Variants in HIVEP3 observed in about 807,000 individuals in gnomAD.
HIVEP3 encodes HIVEP zinc finger 3.
Under a neutral mutation model 152.8 loss-of-function variants are expected in HIVEP3, and 49 were observed. That is an observed-to-expected ratio of 0.32 (90% CI 0.26 to 0.41). The LOEUF is 0.41. HIVEP3 is among the 10% of genes least tolerant of loss of function. HIVEP3 has a pLI of 1.00. For missense variants in HIVEP3, 2,790 were observed against 3,103.3 expected (o/e 0.90, Z 2.40); for synonymous variants, 1,269 against 1,289.0 (o/e 0.98, Z 0.33).
At chr1:41,528,809 C>T (rs1326818570) in intron 5 of HIVEP3, among the ~76,000 whole-genome samples, 1 of 142,462 alleles carries the variant, frequency 7.0e-6, no homozygotes. Flanking sequence ...CACCTTCACA[C>T]TCCACACCTT....
chr1:41,548,684 T>C (rs147804513), intron 5 of HIVEP3, among the ~76,000 whole-genome samples: 2 of 152,152 alleles, frequency 1.3e-5, no homozygotes, highest in Non-Finnish European at 2.9e-5. Context: ...TACAGGTGTG[T>C]GCCACCATGC....
intron 1 of HIVEP3, among the ~76,000 whole-genome samples, chr1:41,716,441 G>A (rs1393153683): frequency 6.6e-6 from 1 of 152,224 alleles, no homozygotes; most frequent in Non-Finnish European, 1.5e-5. Flanking sequence ...CCCACAGGCT[G>A]GGGGCACCCA....
At chr1:41,987,302 A>G (rs988733186) in intron 1 of HIVEP3, among the ~76,000 whole-genome samples, 1 of 152,204 alleles carries the variant, frequency 6.6e-6, no homozygotes, top group Non-Finnish European at 1.5e-5. Flanking sequence ...GCAAACCACC[A>G]TGGCATATGT....
chr1:41,944,799 G>A (rs994892201), intron 1 of HIVEP3, among the ~76,000 whole-genome samples: 3 of 152,148 alleles, frequency 2.0e-5, no homozygotes, highest in African/African-American at 7.2e-5. Context: ...AATGCTCATC[G>A]GAAAATGACT....
chr1:41,809,211 G>A (rs1257916178), intron 1 of HIVEP3, among the ~76,000 whole-genome samples: 2 of 152,254 alleles, frequency 1.3e-5, no homozygotes, highest in Non-Finnish European at 2.9e-5. Flanking sequence ...AGGCACAGTT[G>A]AGGCACAGGT....
intron 1 of HIVEP3, among the ~76,000 whole-genome samples, chr1:41,927,314 T>C (rs1644973012): frequency 6.6e-6 from 1 of 152,186 alleles, no homozygotes; most frequent in Non-Finnish European, 1.5e-5. Flanking sequence ...TTGTGTACTC[T>C]GGCTAAACAA....
intron 1 of HIVEP3, among the ~76,000 whole-genome samples, chr1:41,767,340 C>A (rs553788312): frequency 6.6e-6 from 1 of 152,234 alleles, no homozygotes; most frequent in Non-Finnish European, 1.5e-5. Flanking sequence ...CCCCCAACCG[C>A]TAGAGCTCTG....
chr1:41,604,817 G>T (rs1479574165), intron 3 of HIVEP3, among the ~76,000 whole-genome samples: 1 of 152,114 alleles, frequency 6.6e-6, no homozygotes, highest in African/African-American at 2.4e-5. Flanking sequence ...TTAGAAAATA[G>T]GATAGCCCAG....
At chr1:41,798,152 GT>G (rs1475701115) in intron 1 of HIVEP3, among the ~76,000 whole-genome samples, 8 of 152,026 alleles carry the variant, frequency 5.3e-5, no homozygotes, top group African/African-American at 1.9e-4. Flanking sequence ...GGTGCGGGGA[GT>G]GGGGAGGGAT....
chr1:41,639,810 G>A (rs1191533930), intron 2 of HIVEP3, among the ~76,000 whole-genome samples: 5 of 152,194 alleles, frequency 3.3e-5, no homozygotes, highest in African/African-American at 1.2e-4. Flanking sequence ...CAGACAAGAG[G>A]CTTCTCTCTC....
Position 41,662,975 on chromosome 1 carries a change from C to G in HIVEP3, c.-720-34028G>C, listed in dbSNP as rs1405331845. On this transcript the variant is annotated intron_variant, in intron 2 of 8. Coordinates refer to ENST00000372583, the MANE Select transcript of HIVEP3 (RefSeq NM_024503.5). This position sits in a 1 kb window ranked among gnomAD's most constrained non-coding sequence, Gnocchi z 7.2. ...CTGGGCGGGGCGGGCCTGCCAGGGCCTCCCTGGGCTCAGGCCTGGGGTGGG... is the reference window on the plus strand; with the variant it reads ...CTGGGCGGGGCGGGCCTGCCAGGGCGTCCCTGGGCTCAGGCCTGGGGTGGG... Among the ~76,000 whole-genome samples the G allele has an allele frequency of 6.6e-6, 1 of 152,084 alleles. No homozygotes were observed. Among genetic ancestry groups the G allele is most frequent in the East Asian group, 1.9e-4 (1 of 5,180 alleles).
intron 5 of HIVEP3, among the ~76,000 whole-genome samples, chr1:41,531,554 G>T (rs1191275773): frequency 1.5e-5 from 1 of 68,470 alleles, no homozygotes; most frequent in Non-Finnish European, 3.0e-5. Context: ...ATGGAGGACA[G>T]GAGAGATGGA....
Position 41,580,897 on chromosome 1 carries a change from A to T in HIVEP3, c.3901T>A (p.Ser1301Thr). ...GCAGGCAGGGCCAGTGGAGGAGCTG[A>T]TGTAGGTGCTGAGGAGCTGGCTGGG... Reference protein sequence around the residue: ...APPASSSAPTSAPPLALPACP... With the variant: ...APPASSSAPTTAPPLALPACP... Residue 1301 changes from serine (S) to threonine (T), a missense_variant, in exon 4 of 9, where the codon TCA becomes ACA. Transcript: ENST00000372583. The T allele has an allele frequency of 6.2e-7, 1 of 1,612,050 alleles. No individual in the cohort carries two copies. Among genetic ancestry groups the T allele is most frequent in the Non-Finnish European group, 8.5e-7 (1 of 1,179,182 alleles).
chr1:41,741,165 G>A (rs565390421), intron 1 of HIVEP3, among the ~76,000 whole-genome samples: 2 of 152,210 alleles, frequency 1.3e-5, no homozygotes, highest in Non-Finnish European at 2.9e-5. Context: ...GGGAGGAACT[G>A]CAAGAGGATA....
chr1:41,806,387 C>T (rs541254403), intron 1 of HIVEP3, among the ~76,000 whole-genome samples: 1 of 152,364 alleles, frequency 6.6e-6, no homozygotes, highest in African/African-American at 2.4e-5. Flanking sequence ...TCCCTTCACC[C>T]CCTCTGAAGC....
intron 1 of HIVEP3, among the ~76,000 whole-genome samples, chr1:41,801,842 A>G (rs1257608206): frequency 6.6e-6 from 1 of 152,218 alleles, no homozygotes; most frequent in Non-Finnish European, 1.5e-5. Flanking sequence ...TCAGCCAATG[A>G]AACAGACCCA....
intron 1 of HIVEP3, among the ~76,000 whole-genome samples, chr1:41,799,077 A>C (rs542674758): frequency 5.3e-5 from 8 of 152,278 alleles, no homozygotes; most frequent in African/African-American, 1.9e-4. Flanking sequence ...TATCCTGATG[A>C]TCTTCCAAGA....
chr1:41,714,014 G>T (rs973480670), intron 1 of HIVEP3, among the ~76,000 whole-genome samples: 1 of 151,516 alleles, frequency 6.6e-6, no homozygotes, highest in Non-Finnish European at 1.5e-5. Flanking sequence ...TTCAGAACCT[G>T]CCAGCCCTTC....
At chr1:42,013,998 A>G (rs533757870) in intron 1 of HIVEP3, among the ~76,000 whole-genome samples, 1 of 152,334 alleles carries the variant, frequency 6.6e-6, no homozygotes, top group African/African-American at 2.4e-5. Context: ...AGATGCACCC[A>G]GTCTGTCCTA....
Sources: allele counts gnomAD v4.1 joint callset (sites outside exome capture counted in the v4.1 genomes callset), GRCh38; gene constraint gnomAD v4.1.1; non-coding constraint Gnocchi (gnomAD v3.1); transcripts MANE v1.5; gene names NCBI Gene and HGNC (gene_info 2026-07-23, HGNC 2026-07-21).